COL25A1: variants seen among roughly 807,000 people sequenced by gnomAD.
The protein encoded by COL25A1 is collagen type XXV alpha 1 chain.
COL25A1 carries 103 observed loss-of-function variants against 128.4 expected under a neutral mutation model. The ratio of observed to expected loss-of-function variants is 0.80; its 90% CI spans 0.68 to 0.94. COL25A1 has a LOEUF of 0.94. Ranked by LOEUF, COL25A1 falls within the 40% of genes least tolerant of loss-of-function variation. The pLI, the probability that COL25A1 is intolerant of heterozygous loss-of-function variation, is 0.00. For synonymous variants in COL25A1, 279 were observed against 277.2 expected, an observed-to-expected ratio of 1.01 and a Z score of -0.06; for missense variants, 745 against 840.0, an observed-to-expected ratio of 0.89 and a Z score of 1.40.
chr4:109,026,155 C>T (rs1269984825), intron 5 of COL25A1, among the ~76,000 whole-genome samples: 4 of 149,848 alleles, frequency 2.7e-5, no homozygotes, highest in Non-Finnish European at 5.9e-5. Flanking sequence ...TAAATTAGTT[C>T]GCGGGTTCTC....
intron 8 of COL25A1, among the ~76,000 whole-genome samples, chr4:108,969,372 T>C (rs1427048065): frequency 2.0e-5 from 3 of 152,188 alleles, no homozygotes; most frequent in Admixed American, 6.5e-5. Context: ...CTAGATGCAA[T>C]GGTTGGACTT....
At chr4:109,162,596 A>G (rs1309092607) in intron 3 of COL25A1, among the ~76,000 whole-genome samples, 1 of 152,210 alleles carries the variant, frequency 6.6e-6, no homozygotes, top group Non-Finnish European at 1.5e-5. Flanking sequence ...GGTTGCCAGG[A>G]GGAATGTCTA....
At chr4:108,942,678 G>C (rs1748262202) in intron 8 of COL25A1, among the ~76,000 whole-genome samples, 1 of 150,006 alleles carries the variant, frequency 6.7e-6, no homozygotes. Context: ...TCAAACTCCT[G>C]ACCTCAGGTG....
At chr4:108,852,766 A>T in intron 25 of COL25A1, 136 bp downstream of exon 25, 1 of 687,398 alleles carries the variant, frequency 1.5e-6, no homozygotes, top group Non-Finnish European at 2.4e-6. Context: ...GAGCAAATGT[A>T]AAAGATTATT....
chr4:108,954,435 A>G (rs541634610), intron 8 of COL25A1, among the ~76,000 whole-genome samples: 1 of 152,036 alleles, frequency 6.6e-6, no homozygotes. Flanking sequence ...CATATAATTT[A>G]CTCGAAATAA....
chr4:108,861,163 T>TA (rs1737167307), intron 22 of COL25A1, among the ~76,000 whole-genome samples, 192 bp from the exon 23 acceptor site: 1 of 152,164 alleles, frequency 6.6e-6, no homozygotes, highest in Non-Finnish European at 1.5e-5. Context: ...TTCCTTTTTT[T>TA]AAAAAACTCC....
chr4:109,125,580 A>G (rs1768517941), intron 3 of COL25A1, among the ~76,000 whole-genome samples: 1 of 152,206 alleles, frequency 6.6e-6, no homozygotes, highest in Admixed American at 6.5e-5. Context: ...TCTCTACAAA[A>G]TTATTCCTAA....
intron 3 of COL25A1, among the ~76,000 whole-genome samples, chr4:109,228,331 T>C (rs1300005270): frequency 2.0e-5 from 3 of 152,156 alleles, no homozygotes; most frequent in African/African-American, 7.2e-5. Context: ...CCTTGTCTAC[T>C]TGGCACCCAC....
At chr4:108,917,522 C>T (rs1003732224) in intron 13 of COL25A1, among the ~76,000 whole-genome samples, 5 of 152,088 alleles carry the variant, frequency 3.3e-5, no homozygotes, top group Non-Finnish European at 5.9e-5. Context: ...ACTAAAGGGC[C>T]GGTCAGGGAT....
intron 26 of COL25A1, 104 bp downstream of exon 26, chr4:108,852,132 G>T: frequency 1.1e-6 from 1 of 892,048 alleles, no homozygotes; most frequent in Non-Finnish European, 1.8e-6. Context: ...GTTGATCTCA[G>T]CTTCTTCAGC....
chr4:109,083,327 T>A (rs1270255666), intron 3 of COL25A1, among the ~76,000 whole-genome samples: 1 of 151,932 alleles, frequency 6.6e-6, no homozygotes, highest in South Asian at 2.1e-4. Context: ...ATGAAAAAAA[T>A]TTCTAAAGGG....
At chr4:108,845,128 G>T in intron 29 of COL25A1, 61 bp downstream of exon 29, 1 of 1,379,032 alleles carries the variant, frequency 7.3e-7, no homozygotes, top group Non-Finnish European at 1.0e-6. Context: ...GAATAGGTAA[G>T]TAACATGTCA....
rs1436448366 is a variant in COL25A1, at chr4:108,941,306, G to T, written c.564+60C>A. The stretch of plus-strand genomic sequence containing the variant: ...TAAGAGATAAATCGTAAAGCAATAG[G>T]TACACAGAGCAATAACTGATGTAAA... On this transcript the variant is annotated intron_variant, in intron 9 of 37. Transcript: ENST00000399132. 23 of 1,352,614 alleles carry T rather than the reference G, an allele frequency of 1.7e-5. No homozygotes were observed. In the South Asian group the frequency reaches 2.0e-4, roughly 12 times the overall value. The allele number at this position is 1,352,614 out of a possible 1,614,324, so 83.8% of individuals were successfully genotyped here.
intron 3 of COL25A1, among the ~76,000 whole-genome samples, chr4:109,080,083 C>A (rs1232886666): frequency 6.6e-6 from 1 of 152,064 alleles, no homozygotes; most frequent in Non-Finnish European, 1.5e-5. Context: ...ATTACCCCCA[C>A]CACACACCAC....
intron 3 of COL25A1, among the ~76,000 whole-genome samples, chr4:109,222,081 T>TTC (rs1210074865): frequency 7.5e-5 from 11 of 146,118 alleles, no homozygotes; most frequent in Admixed American, 1.4e-4. Flanking sequence ...TTTTTTTTTT[T>TTC]TGAGATGGAG....
intron 6 of COL25A1, among the ~76,000 whole-genome samples, chr4:108,984,333 T>C (rs1470956602): frequency 6.6e-6 from 1 of 152,184 alleles, no homozygotes; most frequent in Non-Finnish European, 1.5e-5. Context: ...CTTCACCCAG[T>C]GGATCCCGCA....
At chr4:108,994,525 T>C (rs1754554387) in intron 6 of COL25A1, among the ~76,000 whole-genome samples, 1 of 152,210 alleles carries the variant, frequency 6.6e-6, no homozygotes, top group African/African-American at 2.4e-5. Context: ...ATTCTACCTC[T>C]GTGGGCAGGG....
rs769382127 is a variant in COL25A1 at position 109,301,212 on chromosome 4, TA to T, written c.297+510del. On this transcript the variant is annotated intron_variant, in intron 2 of 37. Coordinates refer to ENST00000399132, the MANE Select transcript of COL25A1 (RefSeq NM_198721.4). The stretch of plus-strand genomic sequence containing the variant: ...TCCTTTACCAAAAATAAAGCTACTT[TA>T]AAAAAAAAAAGTTTAAACTTTTAAT... 8.8e-3 allele frequency among the ~76,000 whole-genome samples: 1,284 copies of T among 146,634 alleles called. 16 individuals carry two copies. Among genetic ancestry groups the T allele is most frequent in the African/African-American group, 0.028 (1,131 of 40,310 alleles).
At position 109,240,078 on chromosome 4, in the gene COL25A1, C is replaced by T. The variant is rs146098112; in HGVS notation, c.367+60505G>A. Among the ~76,000 whole-genome samples, 756 of 152,126 alleles carry T rather than the reference C, an allele frequency of 5.0e-3. 3 individuals carry two copies. The highest frequency in any genetic ancestry group is 0.02 in the Middle Eastern group (6 of 294). ...AGCAATGCCTTCTTCTGGATGCCTC[C>T]TGATGTACCTGCCTAAGGCTATTTT... On this transcript the variant is annotated intron_variant, in intron 3 of 37. Transcript: ENST00000399132.
Sources: allele counts gnomAD v4.1 joint callset (sites outside exome capture counted in the v4.1 genomes callset), GRCh38; gene constraint gnomAD v4.1.1; transcripts MANE v1.5; gene names NCBI Gene and HGNC (gene_info 2026-07-23, HGNC 2026-07-21).